The following CADPS2 variants were observed in gnomAD, a reference collection of about 807,000 sequenced individuals.
The protein encoded by CADPS2 is calcium-dependent secretion activator 2.
Under a neutral mutation model 172.5 loss-of-function variants are expected in CADPS2, and 93 were observed. That is an observed-to-expected ratio of 0.54 (90% CI 0.46 to 0.64). The LOEUF is 0.64. Ranked by LOEUF, CADPS2 falls within the 30% of genes least tolerant of loss-of-function variation. The pLI is 0.00. For missense variants in CADPS2, 1,420 were observed against 1,565.9 expected (o/e 0.91, Z 1.57); for synonymous variants, 546 against 555.2 (o/e 0.98, Z 0.23).
rs370800653 is a variant in CADPS2, at chr7:122,438,436, A to G, written c.2381T>C (p.Ile794Thr). ...CACTTTCTTCACCTCTTCTGCTGGT[A>G]TGGGAGTGGCAATATCTTTCATTAA... ...RVLMKDIATP[I>T]PAEEVKKVVR... Residue 794 changes from isoleucine (I) to threonine (T), a missense_variant, in exon 17 of 30, where the codon ATA becomes ACA. Ile to Thr is a moderately conservative substitution (Grantham distance 89, BLOSUM62 -1). Coordinates refer to ENST00000449022, the MANE Select transcript of CADPS2 (RefSeq NM_017954.11). 54 of 1,612,824 alleles carry G rather than the reference A, an allele frequency of 3.3e-5. No individual in the cohort carries two copies. The highest frequency in any genetic ancestry group is 4.6e-5 in the Non-Finnish European group (54 of 1,179,314).
At chr7:122,740,301 A>G (rs775032085) in intron 1 of CADPS2, among the ~76,000 whole-genome samples, 5 of 152,184 alleles carry the variant, frequency 3.3e-5, no homozygotes, top group Non-Finnish European at 5.9e-5. Context: ...AGCTTTTTTC[A>G]TAATTGCAAA....
At chr7:122,550,224 A>G (rs1342205439) in intron 8 of CADPS2, among the ~76,000 whole-genome samples, 1 of 152,194 alleles carries the variant, frequency 6.6e-6, no homozygotes, top group Non-Finnish European at 1.5e-5. Context: ...GATGAGCCCA[A>G]TGCCTTTTCT....
intron 1 of CADPS2, among the ~76,000 whole-genome samples, chr7:122,777,714 C>G (rs755345713): frequency 3.3e-5 from 5 of 152,046 alleles, no homozygotes; most frequent in Non-Finnish European, 7.3e-5. Context: ...TGCACTTCTC[C>G]TTGCAGCCAC....
intron 28 of CADPS2, 80 bp downstream of exon 28, chr7:122,345,494 C>G: frequency 1.2e-6 from 1 of 850,606 alleles, no homozygotes; most frequent in East Asian, 2.5e-5. Flanking sequence ...CTATGCTTTG[C>G]AAACATACCA....
intron 1 of CADPS2, among the ~76,000 whole-genome samples, chr7:122,828,033 G>A (rs1805445078): frequency 6.6e-6 from 1 of 152,108 alleles, no homozygotes; most frequent in African/African-American, 2.4e-5. Context: ...AATAACTGTG[G>A]ATGTCTGATT....
chr7:122,521,833 T>A (rs1323890466), intron 8 of CADPS2, among the ~76,000 whole-genome samples: 2 of 152,176 alleles, frequency 1.3e-5, no homozygotes, highest in Non-Finnish European at 2.9e-5. Flanking sequence ...GAATTGTCCC[T>A]CTTCCTTTTC....
chr7:122,481,681 C>T (rs2057322441), intron 11 of CADPS2, among the ~76,000 whole-genome samples: 1 of 151,424 alleles, frequency 6.6e-6, no homozygotes, highest in Admixed American at 6.6e-5. Flanking sequence ...CCTGCCTTGA[C>T]AATAAATTGA....
intron 6 of CADPS2, among the ~76,000 whole-genome samples, chr7:122,592,264 A>C (rs1257361612): frequency 6.6e-6 from 1 of 152,178 alleles, no homozygotes; most frequent in Non-Finnish European, 1.5e-5. Flanking sequence ...CCATCAGAGA[A>C]ATGCAAATCA....
At chr7:122,381,393 C>A (rs2042981411) in intron 24 of CADPS2, among the ~76,000 whole-genome samples, 1 of 152,154 alleles carries the variant, frequency 6.6e-6, no homozygotes, top group Non-Finnish European at 1.5e-5. Context: ...CCAAAGCATG[C>A]AGGCATTGAG....
intron 2 of CADPS2, among the ~76,000 whole-genome samples, chr7:122,667,426 AT>A (rs2081296123): frequency 6.6e-6 from 1 of 152,134 alleles, no homozygotes; most frequent in Non-Finnish European, 1.5e-5. Context: ...AGAAACTTAC[AT>A]TTTTGAACTC....
intron 2 of CADPS2, among the ~76,000 whole-genome samples, chr7:122,706,019 T>G (rs1373705473): frequency 1.0e-5 from 1 of 96,700 alleles, no homozygotes. Context: ...ATATTATATA[T>G]TATATAAATA....
At chr7:122,669,696 T>G (rs2081585087) in intron 2 of CADPS2, among the ~76,000 whole-genome samples, 1 of 151,946 alleles carries the variant, frequency 6.6e-6, no homozygotes, top group African/African-American at 2.4e-5. Flanking sequence ...GCCTGCTGAT[T>G]AGGTGTGGAG....
Position 122,348,500 on chromosome 7 carries a change from TA to T in CADPS2, c.3505-2820del, listed in dbSNP as rs1056463755. ...TGGCTGAGGATACACTTGATTGTTG[TA>T]AAAAATCAAGTGTTTCCTTTTTTTA... On this transcript the variant is annotated intron_variant, in intron 27 of 29. Coordinates refer to ENST00000449022, the MANE Select transcript of CADPS2 (RefSeq NM_017954.11). Among the ~76,000 whole-genome samples the T allele has an allele frequency of 4.6e-5, 7 of 152,200 alleles. No individual in the cohort carries two copies. The East Asian group carries it at 1.3e-3, about 29-fold the overall frequency.
At chr7:122,697,888 C>T in intron 2 of CADPS2, 1 of 1,613,342 alleles carries the variant, frequency 6.2e-7, no homozygotes, top group Middle Eastern at 1.7e-4. Context: ...ATCTGAGGTT[C>T]CTGCAGGAGA....
intron 1 of CADPS2, among the ~76,000 whole-genome samples, chr7:122,793,956 C>T (rs1259472762): frequency 6.6e-6 from 1 of 152,048 alleles, no homozygotes; most frequent in Non-Finnish European, 1.5e-5. Flanking sequence ...GTATTGACCC[C>T]CAATCTCTTC....
At chr7:122,763,759 A>C (rs1379049869) in intron 1 of CADPS2, among the ~76,000 whole-genome samples, 1 of 152,296 alleles carries the variant, frequency 6.6e-6, no homozygotes, top group African/African-American at 2.4e-5. Flanking sequence ...ACTGACATGA[A>C]AGACAGACAT....
intron 1 of CADPS2, among the ~76,000 whole-genome samples, chr7:122,838,993 A>G (rs1809497035): frequency 6.6e-6 from 1 of 152,208 alleles, no homozygotes; most frequent in Admixed American, 6.5e-5. Flanking sequence ...CCAAAAGAAC[A>G]AAGCTGGAGG....
rs368871112 is a variant in CADPS2, at chr7:122,618,281, CA to C, written c.1105-2983del. Among the ~76,000 whole-genome samples, 722 of 152,160 alleles carry C rather than the reference CA, an allele frequency of 4.7e-3. 5 individuals carry two copies. Among genetic ancestry groups the C allele is most frequent in the African/African-American group, 0.017 (689 of 41,520 alleles). The stretch of plus-strand genomic sequence containing the variant: ...TTTGATACCATAAAAATCCTTAATC[CA>C]GTAAGTATTTATTGAGTCAATTGTG... On this transcript the variant is annotated intron_variant, in intron 5 of 29. Transcript: ENST00000449022.
intron 1 of CADPS2, among the ~76,000 whole-genome samples, chr7:122,751,224 G>C (rs893504469): frequency 2.0e-5 from 3 of 152,016 alleles, no homozygotes; most frequent in Non-Finnish European, 4.4e-5. Flanking sequence ...AGGGTTCCTC[G>C]AGCCTTGGAT....
Sources: gnomAD v4.1 joint callset for allele counts (sites outside exome capture counted in the v4.1 genomes callset) on GRCh38, gnomAD v4.1.1 for gene constraint, MANE v1.5 for transcripts, NCBI Gene and HGNC (gene_info 2026-07-23, HGNC 2026-07-21) for gene names.